RASSF2: variants seen among roughly 807,000 people sequenced by gnomAD.
RASSF2 encodes ras association domain-containing protein 2.
RASSF2 carries 34 observed loss-of-function variants against 46.3 expected under a neutral mutation model. The ratio of observed to expected loss-of-function variants is 0.73; its 90% CI spans 0.56 to 0.98. RASSF2 has a LOEUF of 0.98. RASSF2 is among the 50% of genes least tolerant of loss of function. The pLI is 0.00. For synonymous variants in RASSF2, 158 were observed against 162.5 expected (o/e 0.97, Z 0.21); for missense variants, 364 against 431.2 (o/e 0.84, Z 1.38).
In RASSF2 at chr20:4,784,305, C is replaced by T; in HGVS notation, c.949G>A (p.Glu317Lys). Residue 317 changes from glutamate to lysine, a missense_variant, in exon 12 of 12, where the codon GAG (glutamate) becomes AAG (lysine). Glu to Lys is a moderately conservative substitution (Grantham distance 56). Transcript: ENST00000379400. ...VLRLMIRQRL[E>K]EIAETPATI ...GTTGCTGGGGTCTCGGCTATCTCCT[C>T]CAGCCTCTGTCGAATCATTAGCCGG... 1 of 1,614,004 alleles carries T rather than the reference C, an allele frequency of 6.2e-7. No individual in the cohort carries two copies. The highest frequency in any genetic ancestry group is 1.3e-5 in the African/African-American group (1 of 75,024).
intron 2 of RASSF2, among the ~76,000 whole-genome samples, chr20:4,821,838 CA>C (rs1264166427): frequency 2.9e-5 from 1 of 34,094 alleles, no homozygotes; most frequent in African/African-American, 2.3e-4. Flanking sequence ...TGGACTGCCA[CA>C]GCCTAGGCAT....
intron 2 of RASSF2, among the ~76,000 whole-genome samples, chr20:4,815,956 C>T (rs1048411059): frequency 1.3e-5 from 2 of 152,340 alleles, no homozygotes; most frequent in Middle Eastern, 3.4e-3. Context: ...ACAGCTGTCT[C>T]CCGGGGCTTT....
At position 4,792,633 on chromosome 20, in the gene RASSF2, AG is replaced by A; in HGVS notation, c.288-7del. 1.2e-6 allele frequency: 2 copies of A among 1,611,864 alleles called. No homozygotes were observed. Among genetic ancestry groups the A allele is most frequent in the Non-Finnish European group, 1.7e-6 (2 of 1,179,052 alleles). ...TCAGGGGCTTCAGAGTGGTTCTGGG[AG>A]TGGAGAAGACAAAGGGGAGGGGGGA... On this transcript the variant is annotated splice_region_variant and splice_polypyrimidine_tract_variant and intron_variant, in intron 5 of 11. Coordinates refer to ENST00000379400, the MANE Select transcript of RASSF2 (RefSeq NM_014737.3).
intron 2 of RASSF2, 150 bp downstream of exon 2, chr20:4,822,179 C>T (rs1928732880): frequency 6.6e-6 from 1 of 152,370 alleles, no homozygotes; most frequent in South Asian, 2.1e-4. Context: ...GCTCTGTCTT[C>T]CCGGCTGTTT....
rs768752898 is a variant in RASSF2, at chr20:4,795,828, G to C, written c.274C>G (p.Leu92Val). Residue 92 changes from leucine to valine, a missense_variant, in exon 5 of 12, where the codon CTG becomes GTG. Coordinates refer to ENST00000379400, the MANE Select transcript of RASSF2 (RefSeq NM_014737.3). The surrounding 1 kb of genome is among the most constrained non-coding windows in gnomAD (Gnocchi z 4.0). ...SSSSWHSGCN[L>V]GAQGTTLKPL... ...CTCCTCACTCACCCCTGAGCCCCCA[G>C]GTTACAGCCAGAGTGCCAGGAGGAG... 1.9e-6 allele frequency: 3 copies of C among 1,610,368 alleles called. No individual in the cohort carries two copies. Among genetic ancestry groups the C allele is most frequent in the Non-Finnish European group, 2.5e-6 (3 of 1,177,916 alleles).
At chr20:4,787,156 C>T (rs1224041359) in intron 10 of RASSF2, among the ~76,000 whole-genome samples, 3 of 152,152 alleles carry the variant, frequency 2.0e-5, no homozygotes, top group African/African-American at 7.2e-5. Flanking sequence ...CATTTCTCTA[C>T]CCTATTAATG....
At chr20:4,809,193 A>G (rs562646399) in intron 2 of RASSF2, among the ~76,000 whole-genome samples, 10 of 152,300 alleles carry the variant, frequency 6.6e-5, no homozygotes, top group African/African-American at 2.2e-4. Flanking sequence ...AGACCCATTC[A>G]TGACTTCCTG....
chr20:4,799,783 A>G (rs1926705382), intron 3 of RASSF2, among the ~76,000 whole-genome samples: 2 of 152,254 alleles, frequency 1.3e-5, no homozygotes, highest in African/African-American at 4.8e-5. Context: ...ACTTCCAACA[A>G]TTTAGTCCCA....
chr20:4,792,660 G>A (rs1163706361), intron 5 of RASSF2, 33 bp from the exon 6 acceptor site: 1 of 1,610,336 alleles, frequency 6.2e-7, no homozygotes, highest in African/African-American at 1.3e-5. Context: ...GGAGGGGGGA[G>A]ACTAGTTTAA....
intron 3 of RASSF2, 65 bp from the exon 4 acceptor site, chr20:4,798,150 C>T: frequency 6.3e-7 from 1 of 1,591,806 alleles, no homozygotes; most frequent in Non-Finnish European, 8.6e-7. Context: ...GCAGTTGTTC[C>T]CTCTTTCTCT....
chr20:4,808,398 A>G (rs1411946414), intron 2 of RASSF2, among the ~76,000 whole-genome samples: 1 of 152,128 alleles, frequency 6.6e-6, no homozygotes, highest in Non-Finnish European at 1.5e-5. Context: ...CTAGGCACAG[A>G]ACTAAAACAC....
At chr20:4,784,408 G>A (rs571603166) in intron 11 of RASSF2, 66 bp from the exon 12 acceptor site, 19 of 1,485,734 alleles carry the variant, frequency 1.3e-5, no homozygotes, top group South Asian at 4.5e-5. Context: ...GGACCTTCCC[G>A]GCCACCTGGG....
In RASSF2 at chr20:4,790,761, G is replaced by T; in HGVS notation, c.377-150C>A. The T allele has an allele frequency of 3.3e-6, 2 of 612,390 alleles. No individual in the cohort carries two copies. The highest frequency in any genetic ancestry group is 4.4e-5 in the South Asian group (1 of 22,680). 37.9% of individuals were successfully genotyped at this position (612,390 alleles called of 1,614,324 possible). A position where few individuals can be genotyped will look rare whatever the true frequency, so the allele number is the denominator to read the frequency against. On this transcript the variant is annotated intron_variant, in intron 6 of 11. Transcript: ENST00000379400. This position sits in a 1 kb window ranked among gnomAD's most constrained non-coding sequence, Gnocchi z 4.3. ...TTTTCTGCTGGGGGAAAAACATAAT[G>T]CAGAATTTACAGAGAACCTATACAA...
In RASSF2 at chr20:4,790,543, C is replaced by T. The variant is rs779269634; in HGVS notation, c.445G>A (p.Val149Met). ...QLMRTRSDVG[V>M]RRRGNVRTPS... ...GTCCTCACATTGCCACGGCGACGCA[C>T]CCCAACATCACTGCGTGTGCGCATC... Residue 149 changes from valine (V) to methionine (M), a missense_variant, in exon 7 of 12, where the codon GTG becomes ATG. By Grantham distance (21) the Val-to-Met change is conservative. Coordinates refer to ENST00000379400, the MANE Select transcript of RASSF2 (RefSeq NM_014737.3). This position sits in a 1 kb window ranked among gnomAD's most constrained non-coding sequence, Gnocchi z 4.3. The T allele has an allele frequency of 6.5e-6, 10 of 1,534,930 alleles. No homozygotes were observed. In the East Asian group the frequency reaches 2.1e-4, roughly 32 times the overall value.
intron 2 of RASSF2, among the ~76,000 whole-genome samples, chr20:4,807,132 T>C (rs1279518214): frequency 6.6e-6 from 1 of 152,122 alleles, no homozygotes; most frequent in Non-Finnish European, 1.5e-5. Flanking sequence ...CAGTTCTAAA[T>C]AGCAGGGGAA....
In RASSF2 at chr20:4,795,657, G is replaced by A. The variant is rs548106686; in HGVS notation, c.287+158C>T. Among the ~76,000 whole-genome samples, 1 of 152,224 alleles carries A rather than the reference G, an allele frequency of 6.6e-6. No individual in the cohort carries two copies. Among genetic ancestry groups the A allele is most frequent in the South Asian group, 2.1e-4 (1 of 4,820 alleles). On this transcript the variant is annotated intron_variant, in intron 5 of 11. Coordinates refer to ENST00000379400, the MANE Select transcript of RASSF2 (RefSeq NM_014737.3). The surrounding 1 kb of genome is among the most constrained non-coding windows in gnomAD (Gnocchi z 4.0). The stretch of plus-strand genomic sequence containing the variant: ...TCAATCACAACCACATCTGCTGCTT[G>A]TTCCTCATTCCAAGGCTAAGGCAGG...
At chr20:4,801,962 A>G (rs528242011) in intron 2 of RASSF2, among the ~76,000 whole-genome samples, 5 of 151,456 alleles carry the variant, frequency 3.3e-5, no homozygotes, top group African/African-American at 1.2e-4. Context: ...CTGGTCTCAA[A>G]CTCCTGACCT....
chr20:4,810,946 G>A (rs149286200), intron 2 of RASSF2, among the ~76,000 whole-genome samples: 5 of 152,268 alleles, frequency 3.3e-5, no homozygotes, highest in Admixed American at 6.5e-5. Context: ...AACCAAGGAT[G>A]GGGGGCAGTG....
chr20:4,818,666 T>C (rs1341061696), intron 2 of RASSF2, among the ~76,000 whole-genome samples: 2 of 152,188 alleles, frequency 1.3e-5, no homozygotes, highest in Admixed American at 6.5e-5. Flanking sequence ...GTGTTAAATA[T>C]TCACCAGCAC....
Sources: allele counts gnomAD v4.1 joint callset (sites outside exome capture counted in the v4.1 genomes callset), GRCh38; gene constraint gnomAD v4.1.1; non-coding constraint Gnocchi (gnomAD v3.1); transcripts MANE v1.5; gene names NCBI Gene and HGNC (gene_info 2026-07-23, HGNC 2026-07-21).